SPATA6L: variants seen among roughly 807,000 people sequenced by gnomAD.
SPATA6L encodes spermatogenesis associated 6 like, also known as spermatogenesis associated 6-like protein.
SPATA6L carries 68 observed loss-of-function variants against 49.2 expected under a neutral mutation model. The observed-to-expected ratio is 1.38, with a 90% CI of 1.14 to 1.69. SPATA6L has a LOEUF of 1.69. Among genes scored for constraint, SPATA6L ranks in the 40% most tolerant of loss-of-function variants. SPATA6L has a pLI of 0.00. For missense variants in SPATA6L, 668 were observed against 464.3 expected (o/e 1.44, Z -4.03); for synonymous variants, 198 against 165.7 (o/e 1.19, Z -1.50).
At chr9:4,644,577 A>C (rs1043692272) in intron 3 of SPATA6L, among the ~76,000 whole-genome samples, 7 of 151,986 alleles carry the variant, frequency 4.6e-5, no homozygotes, top group Non-Finnish European at 8.8e-5. Flanking sequence ...AAAATTATGA[A>C]GCTGTTTTCA....
Position 4,605,405 on chromosome 9 carries a change from A to G in SPATA6L, c.1031T>C (p.Ile344Thr), listed in dbSNP as rs749129538. 1 of 1,614,162 alleles carries G rather than the reference A, an allele frequency of 6.2e-7. No homozygotes were observed. Among genetic ancestry groups the G allele is most frequent in the African/African-American group, 1.3e-5 (1 of 75,050 alleles). Residue 344 changes from isoleucine (I) to threonine (T), a missense_variant, in exon 10 of 12, where the codon ATC becomes ACC. Transcript: ENST00000682582. ...HPGSQSTWKN[I>T]HERVCSLLTS... ...CAGAAGACTGCATACCCTCTCATGG[A>G]TATTCTTCCATGTGGACTGAGAACC... is the stretch of plus-strand genomic sequence containing the variant.
At chr9:4,625,666 G>A (rs1830212813) in intron 5 of SPATA6L, 100 bp from the exon 6 acceptor site, 3 of 806,674 alleles carry the variant, frequency 3.7e-6, no homozygotes, top group African/African-American at 1.8e-5. Flanking sequence ...TAAAAATTAA[G>A]GTCAAAGATA....
At chr9:4,604,402 G>GC in intron 10 of SPATA6L, 133 bp from the exon 11 acceptor site, 1 of 544,966 alleles carries the variant, frequency 1.8e-6, no homozygotes, top group Non-Finnish European at 3.2e-6. Flanking sequence ...CACTATATAT[G>GC]TGTGTATATA....
intron 4 of SPATA6L, among the ~76,000 whole-genome samples, chr9:4,634,369 A>T (rs1030370412): frequency 1.3e-5 from 2 of 152,234 alleles, no homozygotes; most frequent in Non-Finnish European, 2.9e-5. Context: ...AAATTCATCA[A>T]ACTCTGAAAG....
intron 13 of SPATA6L, among the ~76,000 whole-genome samples, chr9:4,591,569 T>C (rs1821901341): frequency 6.6e-6 from 1 of 152,218 alleles, no homozygotes; most frequent in Admixed American, 6.5e-5. Flanking sequence ...CTTCCCAGCA[T>C]GCCAAGTTGG....
At chr9:4,626,624 T>C in intron 5 of SPATA6L, 1 of 1,183,252 alleles carries the variant, frequency 8.5e-7, no homozygotes, top group Non-Finnish European at 1.1e-6. Flanking sequence ...TTTCAGTCTT[T>C]CTTTCAACCC....
chr9:4,605,604 C>T (rs1194024612), intron 9 of SPATA6L, among the ~76,000 whole-genome samples, 164 bp from the exon 10 acceptor site: 1 of 152,188 alleles, frequency 6.6e-6, no homozygotes, highest in Non-Finnish European at 1.5e-5. Context: ...TAAACCTACC[C>T]ATAGGAAAAG....
chr9:4,629,199 A>G, intron 4 of SPATA6L, 31 bp from the exon 5 acceptor site: 2 of 1,483,852 alleles, frequency 1.3e-6, no homozygotes, highest in Non-Finnish European at 1.9e-6. Context: ...AGCAAATAAA[A>G]TTACTAGAAA....
At chr9:4,592,371 T>C (rs569128556) in intron 13 of SPATA6L, among the ~76,000 whole-genome samples, 4 of 151,928 alleles carry the variant, frequency 2.6e-5, no homozygotes, top group South Asian at 4.1e-4. Flanking sequence ...TCAGCAGACG[T>C]TGGCATTGCA....
chr9:4,660,286 C>G (rs1198290834), intron 2 of SPATA6L, among the ~76,000 whole-genome samples: 8 of 152,084 alleles, frequency 5.3e-5, no homozygotes, highest in African/African-American at 1.9e-4. Flanking sequence ...ACTCATCTGA[C>G]AAAAGGGTTA....
chr9:4,661,474 A>C (rs1839721399), intron 2 of SPATA6L, among the ~76,000 whole-genome samples: 1 of 151,346 alleles, frequency 6.6e-6, no homozygotes, highest in African/African-American at 2.4e-5. Flanking sequence ...TTTTTGTTAC[A>C]GGATTTTAGT....
chr9:4,627,688 A>G, intron 5 of SPATA6L: 2 of 1,257,226 alleles, frequency 1.6e-6, no homozygotes, highest in South Asian at 1.3e-5. Flanking sequence ...GGCAGACACT[A>G]GGACTGAAGA....
rs955239425 is a variant in SPATA6L at position 4,604,031 on chromosome 9, A to C, written c.*1+148T>G. ...TGCACTGCAGTTATCATACAGAGCA[A>C]GGGAAGAACGCAGTTCTCAGGTCTC... On this transcript the variant is annotated intron_variant, in intron 11 of 11. Coordinates refer to ENST00000682582, the MANE Select transcript of SPATA6L (RefSeq NM_001353486.2). The C allele has an allele frequency of 9.3e-5, 52 of 557,992 alleles. 1 individual carries two copies. Among genetic ancestry groups the C allele is most frequent in the Non-Finnish European group, 1.2e-4 (38 of 315,704 alleles). The allele number at this position is 557,992 out of a possible 1,614,324, so 34.6% of individuals were successfully genotyped here.
chr9:4,610,669 T>C (rs1367309286), intron 9 of SPATA6L, among the ~76,000 whole-genome samples: 3 of 152,200 alleles, frequency 2.0e-5, no homozygotes, highest in Non-Finnish European at 4.4e-5. Flanking sequence ...AAGAATTAAA[T>C]GTTAGACCTA....
rs905810300 is a variant in SPATA6L, at chr9:4,606,120, G to A, written c.996-680C>T. On this transcript the variant is annotated intron_variant, in intron 9 of 11. Coordinates refer to ENST00000682582, the MANE Select transcript of SPATA6L (RefSeq NM_001353486.2). ...TTTTCCTACGGGCTTAAAAAATGGCGCACCACCCACCTGGCTCGGAGGGTC... is the reference window on the plus strand; with the variant it reads ...TTTTCCTACGGGCTTAAAAAATGGCACACCACCCACCTGGCTCGGAGGGTC... 7.9e-5 allele frequency among the ~76,000 whole-genome samples: 12 copies of A among 151,882 alleles called. No individual in the cohort carries two copies. In the East Asian group the frequency reaches 1.6e-3, roughly 20 times the overall value.
chr9:4,620,873 G>A lies in SPATA6L; in HGVS notation c.772+1535C>T, dbSNP rs183649497. Among the ~76,000 whole-genome samples the A allele has an allele frequency of 9.5e-4, 145 of 152,300 alleles. No individual in the cohort carries two copies. The Middle Eastern group carries it at 0.017, about 18-fold the overall frequency. Reference sequence around the variant, plus strand: ...TGCCTGATTTCACTGCAGTAGGAAAGACAATGCTGCTTTATAAGCTACACA... The same window carrying A: ...TGCCTGATTTCACTGCAGTAGGAAAAACAATGCTGCTTTATAAGCTACACA... On this transcript the variant is annotated intron_variant, in intron 7 of 11. Transcript: ENST00000682582.
intron 4 of SPATA6L, 103 bp downstream of exon 4, chr9:4,635,172 G>C: frequency 7.9e-7 from 1 of 1,260,780 alleles, no homozygotes; most frequent in Non-Finnish European, 1.1e-6. Context: ...CAGAACAGCA[G>C]GGGTACTAAC....
chr9:4,591,261 C>T (rs1821883436), intron 13 of SPATA6L, among the ~76,000 whole-genome samples: 1 of 152,168 alleles, frequency 6.6e-6, no homozygotes, highest in South Asian at 2.1e-4. Flanking sequence ...CTCCTCCAAG[C>T]ATTCAAACAT....
In SPATA6L at chr9:4,662,310, A is replaced by C. The variant is rs1415111579; in HGVS notation, c.40-274T>G. On this transcript the variant is annotated intron_variant, in intron 1 of 11. Transcript: ENST00000682582. The surrounding 1 kb of genome is among the most constrained non-coding windows in gnomAD (Gnocchi z 4.9). Reference sequence around the variant, plus strand: ...CGGGATGGTAGTGCGGAAGCGGAAGAGGCTGCAGGGCCGGGAAGCCTCTGT... The same window carrying C: ...CGGGATGGTAGTGCGGAAGCGGAAGCGGCTGCAGGGCCGGGAAGCCTCTGT... 2.1e-6 allele frequency: 3 copies of C among 1,438,118 alleles called. No homozygotes were observed. In the African/African-American group the frequency reaches 4.3e-5, roughly 21 times the overall value. The allele number at this position is 1,438,118 out of a possible 1,614,324, so 89.1% of individuals were successfully genotyped here. A position where few individuals can be genotyped will look rare whatever the true frequency, so the allele number is the denominator to read the frequency against.
Sources: gnomAD v4.1 joint callset for allele counts (sites outside exome capture counted in the v4.1 genomes callset) on GRCh38, gnomAD v4.1.1 for gene constraint, Gnocchi (gnomAD v3.1) non-coding constraint, MANE v1.5 for transcripts, NCBI Gene and HGNC (gene_info 2026-07-23, HGNC 2026-07-21) for gene names.